The following NDUFA10 variants were observed in gnomAD, a reference collection of about 807,000 sequenced individuals.
NDUFA10 encodes the protein NADH dehydrogenase [ubiquinone] 1 alpha subcomplex subunit 10, mitochondrial.
Under a neutral mutation model 47.8 loss-of-function variants are expected in NDUFA10, and 40 were observed. The observed-to-expected ratio is 0.84, with a 90% CI of 0.65 to 1.09. The LOEUF (loss-of-function observed/expected upper bound fraction) is 1.09. Among genes scored for constraint, NDUFA10 ranks in the 50% least tolerant of loss-of-function variants. NDUFA10 has a pLI of 0.00. For synonymous variants in NDUFA10, 183 were observed against 172.2 expected (o/e 1.06, Z -0.49); for missense variants, 413 against 451.1 (o/e 0.92, Z 0.76).
chr2:239,967,085 T>C (rs372217974), intron 9 of NDUFA10, among the ~76,000 whole-genome samples: 3 of 152,252 alleles, frequency 2.0e-5, no homozygotes, highest in African/African-American at 7.2e-5. Flanking sequence ...TAGATTTATG[T>C]GCTTGAGATA....
chr2:240,017,745 AGGT>A, intron 4 of NDUFA10: 1 of 1,289,176 alleles, frequency 7.8e-7, no homozygotes, highest in Non-Finnish European at 1.1e-6. Flanking sequence ...GCAAGCTCAC[AGGT>A]GGAGTACCGG....
Position 240,025,127 on chromosome 2 carries a change from G to A in NDUFA10, c.75+100C>T, listed in dbSNP as rs1697803689. The A allele has an allele frequency of 4.2e-6, 5 of 1,200,716 alleles. No individual in the cohort carries two copies. In the South Asian group the frequency reaches 8.9e-5, roughly 21 times the overall value. 74.4% of individuals were successfully genotyped at this position (1,200,716 alleles called of 1,614,324 possible). A position where few individuals can be genotyped will look rare whatever the true frequency, so the allele number is the denominator to read the frequency against. On this transcript the variant is annotated intron_variant, in intron 1 of 9. Transcript: ENST00000252711. ...CAAACCCACCCGGAGAGCGACCTGG[G>A]AGCCGCCGCCAGAGGCCGGGGGAGA...
intron 9 of NDUFA10, among the ~76,000 whole-genome samples, chr2:239,972,358 G>A (rs1695338350): frequency 6.6e-6 from 1 of 152,302 alleles, no homozygotes; most frequent in East Asian, 1.9e-4. Context: ...GTTATGCCAA[G>A]CATGACTGGC....
At chr2:239,925,743 C>T (rs1224120054) in intron 4 of NDUFA10, among the ~76,000 whole-genome samples, 3 of 152,122 alleles carry the variant, frequency 2.0e-5, no homozygotes, top group Non-Finnish European at 4.4e-5. Flanking sequence ...AAAAGACAAG[C>T]TACAAGGTGG....
At chr2:239,971,686 G>A (rs891342177) in intron 9 of NDUFA10, among the ~76,000 whole-genome samples, 10 of 152,338 alleles carry the variant, frequency 6.6e-5, no homozygotes, top group Admixed American at 5.9e-4. Context: ...TGGCTAGCTG[G>A]TGGCAGGCTG....
chr2:239,900,400 T>C (rs1227400629), intron 4 of NDUFA10, among the ~76,000 whole-genome samples: 2 of 141,994 alleles, frequency 1.4e-5, no homozygotes, highest in Non-Finnish European at 1.5e-5. Context: ...CCTTGACTAA[T>C]ACAGGCCTCT....
At chr2:239,950,681 G>A (rs967429005) in intron 4 of NDUFA10, among the ~76,000 whole-genome samples, 4 of 152,230 alleles carry the variant, frequency 2.6e-5, no homozygotes, top group Admixed American at 6.5e-5. Flanking sequence ...TAGGAGCTTG[G>A]GGCGGTGTAA....
intron 4 of NDUFA10, among the ~76,000 whole-genome samples, chr2:239,900,338 ATATATATAT>A: frequency 2.7e-4 from 1 of 3,664 alleles, no homozygotes; most frequent in Non-Finnish European, 5.2e-4. Context: ...ATATATATAT[ATATATATAT>A]ATATATATAT....
intron 1 of NDUFA10, among the ~76,000 whole-genome samples, chr2:240,022,872 C>T (rs1697689126): frequency 1.3e-5 from 2 of 152,168 alleles, no homozygotes; most frequent in Admixed American, 1.3e-4. Flanking sequence ...CATATCCTAG[C>T]CCCCAAGTCT....
intron 4 of NDUFA10, among the ~76,000 whole-genome samples, chr2:239,915,410 AC>A (rs1336799014): frequency 5.2e-5 from 3 of 57,504 alleles, no homozygotes; most frequent in African/African-American, 2.7e-4. Flanking sequence ...CACAGAACAC[AC>A]ACATACACAG....
intron 9 of NDUFA10, among the ~76,000 whole-genome samples, chr2:239,961,925 G>T (rs1251055572): frequency 1.3e-5 from 2 of 152,208 alleles, no homozygotes; most frequent in Non-Finnish European, 2.9e-5. Flanking sequence ...ATCTGGGAGA[G>T]ATCAGGGGCT....
At chr2:239,976,968 A>G (rs1454376055) in intron 9 of NDUFA10, among the ~76,000 whole-genome samples, 3 of 152,160 alleles carry the variant, frequency 2.0e-5, no homozygotes, top group Non-Finnish European at 4.4e-5. Flanking sequence ...GGGCAAGCAA[A>G]GCAAAAATTA....
chr2:239,935,230 C>A (rs1559294687), intron 4 of NDUFA10, among the ~76,000 whole-genome samples: 1 of 152,242 alleles, frequency 6.6e-6, no homozygotes, highest in South Asian at 2.1e-4. Flanking sequence ...TTCCCCCAGT[C>A]CCTGCCTGCC....
Position 240,014,880 on chromosome 2 carries a change from G to A in NDUFA10, c.548-20C>T. On this transcript the variant is annotated intron_variant, in intron 4 of 9. Transcript: ENST00000252711. ...CCACACCTGGCACATAGGAGAAAGGGGCGCTGTCACCTACCAGTCCCCACA... is the reference window on the plus strand; with the variant it reads ...CCACACCTGGCACATAGGAGAAAGGAGCGCTGTCACCTACCAGTCCCCACA... 6.2e-7 allele frequency: 1 copy of A among 1,614,054 alleles called. No homozygotes were observed. Among genetic ancestry groups the A allele is most frequent in the Non-Finnish European group, 8.5e-7 (1 of 1,179,972 alleles).
intron 7 of NDUFA10, among the ~76,000 whole-genome samples, chr2:240,006,526 C>T (rs894951798): frequency 1.4e-4 from 22 of 152,208 alleles, no homozygotes; most frequent in African/African-American, 5.3e-4. Flanking sequence ...ACTCACACTT[C>T]AAGACCAGAT....
intron 4 of NDUFA10, among the ~76,000 whole-genome samples, chr2:239,948,926 C>T (rs547035629): frequency 1.3e-5 from 2 of 152,356 alleles, no homozygotes; most frequent in South Asian, 4.1e-4. Context: ...AGAAGGCTCT[C>T]TACTTCAAAT....
At chr2:239,933,076 AG>A (rs1311830212) in intron 4 of NDUFA10, among the ~76,000 whole-genome samples, 1 of 152,088 alleles carries the variant, frequency 6.6e-6, no homozygotes, top group Admixed American at 6.5e-5. Context: ...GGGGCATCTC[AG>A]CACCTCCCAG....
Position 239,990,149 on chromosome 2 carries a change from T to C in NDUFA10, c.924A>G (p.Thr308=). 1 of 1,613,976 alleles carries C rather than the reference T, an allele frequency of 6.2e-7. No individual in the cohort carries two copies. The highest frequency in any genetic ancestry group is 8.5e-7 in the Non-Finnish European group (1 of 1,179,858). The change falls in exon 9 of 10, where the codon ACA becomes ACG. Residue 308 remains threonine (T), a synonymous_variant. Transcript: ENST00000252711. ...CTTCCGGGAGAAAGATAGGAATGCT[T>C]GTGTAATTCAGCACCTCAAACTTAT... ...VQDKFEVLNY[T]SIPIFLPEVT...
chr2:239,993,355 A>G (rs536203619), intron 8 of NDUFA10, among the ~76,000 whole-genome samples: 14 of 152,368 alleles, frequency 9.2e-5, no homozygotes, highest in African/African-American at 3.4e-4. Flanking sequence ...ATACATTCAT[A>G]TAAGTAACAG....
Sources: gnomAD v4.1 joint callset for allele counts (sites outside exome capture counted in the v4.1 genomes callset) on GRCh38, gnomAD v4.1.1 for gene constraint, MANE v1.5 for transcripts, NCBI Gene and HGNC (gene_info 2026-07-23, HGNC 2026-07-21) for gene names.